SPATA6: variants seen among roughly 807,000 people sequenced by gnomAD.
The protein encoded by SPATA6 is spermatogenesis-associated protein 6.
Under a neutral mutation model 65.3 loss-of-function variants are expected in SPATA6, and 56 were observed. The ratio of observed to expected loss-of-function variants is 0.86; its 90% CI spans 0.69 to 1.07. The LOEUF (loss-of-function observed/expected upper bound fraction) is 1.07, where lower values mean the gene tolerates loss of function less well. Among genes scored for constraint, SPATA6 ranks in the 50% least tolerant of loss-of-function variants. The pLI is 0.00. For missense variants in SPATA6, 590 were observed against 594.8 expected (o/e 0.99, Z 0.08); for synonymous variants, 199 against 213.2 (o/e 0.93, Z 0.58).
chr1:48,290,973 A>C (rs1002474126), downstream of SPATA6, among the ~76,000 whole-genome samples: 398 of 152,278 alleles, frequency 2.6e-3, 2 homozygotes, highest in Non-Finnish European at 4.4e-3. Flanking sequence ...CCAGGAATTG[A>C]ACTCAGCTCT....
the SPATA6 span, among the ~76,000 whole-genome samples, chr1:48,276,807 G>T: frequency 6.6e-6 from 1 of 152,314 alleles, no homozygotes; most frequent in Admixed American, 6.5e-5. Flanking sequence ...TGTATATTAT[G>T]TTGATTTGGG....
chr1:48,325,245 G>A, intron 11 of SPATA6: 1 of 792,268 alleles, frequency 1.3e-6, no homozygotes, highest in Non-Finnish European at 2.1e-6. Context: ...ACAGGGGCAA[G>A]GTTTGGATAT....
intron 3 of SPATA6, among the ~76,000 whole-genome samples, chr1:48,431,055 T>C (rs1654354793): frequency 6.6e-6 from 1 of 151,976 alleles, no homozygotes; most frequent in Non-Finnish European, 1.5e-5. Context: ...TGCACACATT[T>C]TAAAAGTGAA....
chr1:48,388,452 C>T (rs1375243467), intron 8 of SPATA6, among the ~76,000 whole-genome samples: 4 of 152,024 alleles, frequency 2.6e-5, no homozygotes, highest in African/African-American at 9.7e-5. Flanking sequence ...AATATGACAC[C>T]TCCAAAGGAA....
At chr1:48,362,821 T>C (rs1212352436) in intron 9 of SPATA6, among the ~76,000 whole-genome samples, 2 of 152,022 alleles carry the variant, frequency 1.3e-5, no homozygotes, top group Non-Finnish European at 2.9e-5. Flanking sequence ...GAAAAATGAA[T>C]AATAGTTGGG....
chr1:48,323,219 C>A (rs996210256), intron 11 of SPATA6, among the ~76,000 whole-genome samples: 5 of 152,158 alleles, frequency 3.3e-5, no homozygotes, highest in Admixed American at 2.6e-4. Flanking sequence ...CACATATATA[C>A]CATGGAATAC....
At chr1:48,398,916 C>T (rs560184444) in intron 7 of SPATA6, 1 of 153,874 alleles carries the variant, frequency 6.5e-6, no homozygotes, top group South Asian at 2.0e-4. Context: ...AAAGTTTACC[C>T]AAGGGATGTA....
At chr1:48,423,560 C>CTTT (rs1273413209) in intron 3 of SPATA6, among the ~76,000 whole-genome samples, 7 of 99,044 alleles carry the variant, frequency 7.1e-5, no homozygotes, top group African/African-American at 2.3e-4. Flanking sequence ...TTCTTTCTTT[C>CTTT]TTTCTTTTTT....
intron 11 of SPATA6, among the ~76,000 whole-genome samples, chr1:48,328,232 T>C (rs1031669295): frequency 2.6e-5 from 4 of 152,052 alleles, no homozygotes; most frequent in African/African-American, 9.7e-5. Context: ...AAAGGCAAAA[T>C]GGTAAGCCAT....
chr1:48,265,961 T>C, the SPATA6 span, among the ~76,000 whole-genome samples: 106 of 152,320 alleles, frequency 7.0e-4, no homozygotes, highest in Non-Finnish European at 1.2e-3. Flanking sequence ...ATTATGACAA[T>C]TTCCAATTAT....
chr1:48,314,311 T>C (rs1333142385), intron 11 of SPATA6, among the ~76,000 whole-genome samples: 2 of 152,040 alleles, frequency 1.3e-5, no homozygotes, highest in Non-Finnish European at 2.9e-5. Context: ...CCTCAGCAAA[T>C]GTAAAAGAAC....
intron 11 of SPATA6, among the ~76,000 whole-genome samples, chr1:48,311,592 G>A (rs1017965762): frequency 6.6e-6 from 1 of 152,122 alleles, no homozygotes; most frequent in East Asian, 1.9e-4. Flanking sequence ...AACTTAGGGA[G>A]CCAAGATAGC....
intron 11 of SPATA6, among the ~76,000 whole-genome samples, chr1:48,350,286 T>A (rs1331375338): frequency 3.3e-5 from 5 of 151,468 alleles, no homozygotes; most frequent in African/African-American, 7.3e-5. Flanking sequence ...TGGATAGTTG[T>A]TTTGTGCTTT....
At chr1:48,447,489 G>A (rs1054366792) in intron 3 of SPATA6, among the ~76,000 whole-genome samples, 1 of 152,060 alleles carries the variant, frequency 6.6e-6, no homozygotes, top group Non-Finnish European at 1.5e-5. Context: ...ACTGTACTCC[G>A]GCCTTGGTGA....
chr1:48,353,452 G>A (rs190018660), intron 11 of SPATA6, among the ~76,000 whole-genome samples: 18 of 145,598 alleles, frequency 1.2e-4, no homozygotes, highest in African/African-American at 3.6e-4. Flanking sequence ...AAAAACTCAC[G>A]TGTTACTTAC....
chr1:48,267,764 T>TTG, the SPATA6 span, among the ~76,000 whole-genome samples: 8 of 134,684 alleles, frequency 5.9e-5, no homozygotes, highest in African/African-American at 2.2e-4. Flanking sequence ...TTTTTTTTTT[T>TTG]TTTTTTTTTT....
the SPATA6 span, among the ~76,000 whole-genome samples, chr1:48,275,539 T>C: frequency 1.3e-5 from 2 of 152,190 alleles, no homozygotes; most frequent in African/African-American, 4.8e-5. Flanking sequence ...ATTGAGAGTT[T>C]TTAGCAAGAA....
the SPATA6 span, among the ~76,000 whole-genome samples, chr1:48,282,026 G>A: frequency 6.6e-6 from 1 of 152,030 alleles, no homozygotes; most frequent in Non-Finnish European, 1.5e-5. Context: ...CAGAAATAAC[G>A]CCACGTATCT....
chr1:48,415,100 A>G (rs1652632094), intron 3 of SPATA6, among the ~76,000 whole-genome samples: 1 of 152,244 alleles, frequency 6.6e-6, no homozygotes. Context: ...AAGGTGCCAT[A>G]GTAAACTATA....
Sources: allele counts gnomAD v4.1 joint callset (sites outside exome capture counted in the v4.1 genomes callset), GRCh38; gene constraint gnomAD v4.1.1; transcripts MANE v1.5; gene names NCBI Gene and HGNC (gene_info 2026-07-23, HGNC 2026-07-21).